Variants in CALN1 observed in about 807,000 individuals in gnomAD.
CALN1 encodes calcium-binding protein 8.
A neutral mutation model predicts 30.6 loss-of-function variants in CALN1; 17 were observed. That is an observed-to-expected ratio of 0.56 (90% CI 0.38 to 0.83). The LOEUF is 0.83. Ranked by LOEUF, CALN1 falls within the 40% of genes least tolerant of loss-of-function variation. The probability of loss-of-function intolerance (pLI) is 0.00; values close to 1 mark genes in which losing one functional copy is unlikely to be tolerated. For synonymous variants in CALN1, 156 were observed against 131.4 expected, an observed-to-expected ratio of 1.19 and a Z score of -1.28; for missense variants, 291 against 354.9, an observed-to-expected ratio of 0.82 and a Z score of 1.45.
chr7:71,852,079 G>A (rs774489090), intron 5 of CALN1, among the ~76,000 whole-genome samples: 5 of 152,106 alleles, frequency 3.3e-5, no homozygotes, highest in South Asian at 4.1e-4. Flanking sequence ...GAATGGTTTC[G>A]ATATTCATCC....
chr7:72,219,316 C>T (rs1351000034), intron 3 of CALN1, among the ~76,000 whole-genome samples: 1 of 152,140 alleles, frequency 6.6e-6, no homozygotes, highest in South Asian at 2.1e-4. Context: ...ACCTTAAAAT[C>T]CTGGGCTAAA....
intron 3 of CALN1, among the ~76,000 whole-genome samples, chr7:72,176,460 T>G (rs1340827955): frequency 2.0e-5 from 3 of 152,146 alleles, no homozygotes; most frequent in East Asian, 3.9e-4. Flanking sequence ...GGCGGATCCC[T>G]CATGAATGTC....
chr7:71,950,417 G>A (rs1262357694), intron 5 of CALN1, among the ~76,000 whole-genome samples: 1 of 152,116 alleles, frequency 6.6e-6, no homozygotes, highest in Non-Finnish European at 1.5e-5. Context: ...ATATTGCAGA[G>A]TACTTGCCAA....
chr7:71,872,039 T>C (rs1791965155), intron 5 of CALN1, among the ~76,000 whole-genome samples: 1 of 152,214 alleles, frequency 6.6e-6, no homozygotes, highest in African/African-American at 2.4e-5. Context: ...AAGATAACTT[T>C]TAATGTTATT....
chr7:71,832,913 AG>A (rs376348334), intron 5 of CALN1, among the ~76,000 whole-genome samples: 17 of 152,074 alleles, frequency 1.1e-4, no homozygotes, highest in African/African-American at 4.1e-4. Flanking sequence ...CCCACTTCCA[AG>A]TGTTTCTATA....
At chr7:71,888,489 AAAAAAC>A (rs1335221161) in intron 5 of CALN1, among the ~76,000 whole-genome samples, 1 of 119,768 alleles carries the variant, frequency 8.3e-6, no homozygotes, top group Non-Finnish European at 1.7e-5. Flanking sequence ...CAAAAAAACA[AAAAAAC>A]AAAACAAAAC....
rs375314989 is a variant in CALN1 at position 72,205,542 on chromosome 7, C to CAAAA, written c.244+73140_244+73143dup. Among the ~76,000 whole-genome samples the CAAAA allele has an allele frequency of 3.2e-3, 168 of 53,070 alleles. 1 individual carries two copies. The highest frequency in any genetic ancestry group is 0.016 in the African/African-American group (153 of 9,794). The allele number at this position is 53,070 out of a possible 152,430, so 34.8% of individuals were successfully genotyped here. A position where few individuals can be genotyped will look rare whatever the true frequency, so the allele number is the denominator to read the frequency against. ...GTCAGAAGTATTTTTCTCCTGATTG[C>CAAAA]AAAAAAAAAATATATATATATATAT... On this transcript the variant is annotated intron_variant, in intron 3 of 6. Transcript: ENST00000395275.
At chr7:72,361,128 T>C (rs1403250627) in intron 2 of CALN1, among the ~76,000 whole-genome samples, 1 of 152,158 alleles carries the variant, frequency 6.6e-6, no homozygotes, top group Non-Finnish European at 1.5e-5. Context: ...TTACATTTTG[T>C]AATTTAAATT....
chr7:71,799,409 C>A (rs1787164496), intron 6 of CALN1, among the ~76,000 whole-genome samples: 1 of 150,162 alleles, frequency 6.7e-6, no homozygotes, highest in Admixed American at 6.7e-5. Context: ...CACAAAACAG[C>A]TCTCTGGGTC....
chr7:72,283,999 A>G (rs1797907031), intron 2 of CALN1, among the ~76,000 whole-genome samples: 2 of 152,196 alleles, frequency 1.3e-5, no homozygotes, highest in South Asian at 2.1e-4. Flanking sequence ...ACAGAGTAAT[A>G]TACTGAAGAG....
intron 5 of CALN1, among the ~76,000 whole-genome samples, chr7:72,021,358 A>AG (rs1303749117): frequency 6.6e-6 from 1 of 152,148 alleles, no homozygotes; most frequent in Non-Finnish European, 1.5e-5. Flanking sequence ...CGCCCAGGGG[A>AG]GAAGCAACTC....
At chr7:72,079,920 G>T (rs780639969) in intron 4 of CALN1, among the ~76,000 whole-genome samples, 1 of 151,926 alleles carries the variant, frequency 6.6e-6, no homozygotes. Context: ...ACAGGCATCT[G>T]CCACGATGCC....
At chr7:72,077,882 T>G (rs2129538462) in intron 4 of CALN1, among the ~76,000 whole-genome samples, 1 of 152,304 alleles carries the variant, frequency 6.6e-6, no homozygotes, top group South Asian at 2.1e-4. Context: ...CTGATAATTG[T>G]CACTTACAGA....
At chr7:72,216,562 GT>G (rs1211646920) in intron 3 of CALN1, among the ~76,000 whole-genome samples, 3 of 152,126 alleles carry the variant, frequency 2.0e-5, no homozygotes, top group Admixed American at 1.3e-4. Flanking sequence ...GTGGAGAAGA[GT>G]CAGCGTGGGG....
At chr7:72,071,713 A>T (rs1804406492) in intron 4 of CALN1, among the ~76,000 whole-genome samples, 1 of 152,220 alleles carries the variant, frequency 6.6e-6, no homozygotes, top group Non-Finnish European at 1.5e-5. Context: ...TTCTAACAAA[A>T]CGTCACAAGA....
intron 3 of CALN1, among the ~76,000 whole-genome samples, chr7:72,156,152 C>G (rs1027446534): frequency 2.0e-5 from 3 of 152,136 alleles, no homozygotes; most frequent in African/African-American, 7.2e-5. Flanking sequence ...CAATGAGATT[C>G]TCTAGAAGAG....
chr7:72,271,547 C>T (rs1439917957), intron 3 of CALN1, among the ~76,000 whole-genome samples: 1 of 58,272 alleles, frequency 1.7e-5, no homozygotes, highest in Admixed American at 1.7e-4. Flanking sequence ...TAAGCATGAA[C>T]CACTGTGCCT....
chr7:71,866,028 CAG>C (rs1347852017), intron 5 of CALN1, among the ~76,000 whole-genome samples: 3 of 151,086 alleles, frequency 2.0e-5, no homozygotes, highest in African/African-American at 7.3e-5. Flanking sequence ...TTTTTTGAGA[CAG>C]AGTCTCGCTC....
At chr7:72,229,178 G>A (rs938024672) in intron 3 of CALN1, among the ~76,000 whole-genome samples, 1 of 152,022 alleles carries the variant, frequency 6.6e-6, no homozygotes, top group African/African-American at 2.4e-5. Flanking sequence ...CCTCTCCAAA[G>A]ATGACCATGT....
Sources: gnomAD v4.1 joint callset for allele counts (sites outside exome capture counted in the v4.1 genomes callset) on GRCh38, gnomAD v4.1.1 for gene constraint, MANE v1.5 for transcripts, NCBI Gene and HGNC (gene_info 2026-07-23, HGNC 2026-07-21) for gene names.